Variants in ARHGAP10 observed in about 807,000 individuals in gnomAD.
ARHGAP10 encodes the protein Rho GTPase activating protein 10.
A neutral mutation model predicts 108.6 loss-of-function variants in ARHGAP10; 87 were observed. That is an observed-to-expected ratio of 0.80 (90% CI 0.67 to 0.96). The LOEUF (loss-of-function observed/expected upper bound fraction) is 0.96. ARHGAP10 is among the 40% of genes least tolerant of loss of function. The pLI is 0.00. For missense variants in ARHGAP10, 939 were observed against 954.5 expected (o/e 0.98, Z 0.21); for synonymous variants, 347 against 341.1 (o/e 1.02, Z -0.19).
At chr4:147,771,217 G>A (rs1005289949) in intron 1 of ARHGAP10, among the ~76,000 whole-genome samples, 20 of 152,148 alleles carry the variant, frequency 1.3e-4, no homozygotes, top group African/African-American at 4.3e-4. Flanking sequence ...TCTGAATACA[G>A]TCACATTCTG....
At chr4:148,050,715 G>C (rs1729100901) in intron 20 of ARHGAP10, among the ~76,000 whole-genome samples, 1 of 152,058 alleles carries the variant, frequency 6.6e-6, no homozygotes, top group Non-Finnish European at 1.5e-5. Flanking sequence ...TCTTCCTCTA[G>C]GAATTCCACA....
At chr4:148,039,046 C>T (rs1371664454) in intron 19 of ARHGAP10, among the ~76,000 whole-genome samples, 2 of 152,154 alleles carry the variant, frequency 1.3e-5, no homozygotes, top group African/African-American at 4.8e-5. Flanking sequence ...CTGATCTACC[C>T]ACCCCCACCA....
rs757141542 is a variant in ARHGAP10, at chr4:147,732,296, G to A, written c.-6G>A. 6.2e-7 allele frequency: 1 copy of A among 1,605,648 alleles called. No homozygotes were observed. Among genetic ancestry groups the A allele is most frequent in the East Asian group, 2.3e-5 (1 of 44,170 alleles). On this transcript the variant is annotated 5_prime_UTR_variant, in exon 1 of 23. Transcript: ENST00000336498. ...CCGTGCGCACCGCGCAGCGACCGCT[G>A]CCGTCATGGGGCTGCAGCCCCTGGA...
At chr4:148,066,625 T>G in intron 22 of ARHGAP10, among the ~76,000 whole-genome samples, 1 of 152,164 alleles carries the variant, frequency 6.6e-6, no homozygotes, top group Admixed American at 6.5e-5. Context: ...AGTGTCTCCG[T>G]GTGTTTTGGA....
intron 4 of ARHGAP10, among the ~76,000 whole-genome samples, chr4:147,851,978 G>A (rs910845181): frequency 3.9e-5 from 6 of 152,152 alleles, no homozygotes; most frequent in African/African-American, 1.4e-4. Flanking sequence ...AGGCCTCTAA[G>A]TCTCAGTTTC....
chr4:147,804,036 A>T (rs1731683875), intron 1 of ARHGAP10, among the ~76,000 whole-genome samples: 1 of 145,648 alleles, frequency 6.9e-6, no homozygotes, highest in Non-Finnish European at 1.5e-5. Context: ...GTACATGTGC[A>T]GGTTTGTTAT....
intron 1 of ARHGAP10, among the ~76,000 whole-genome samples, chr4:147,765,923 C>T (rs566538630): frequency 6.6e-6 from 1 of 152,254 alleles, no homozygotes. Context: ...CCTCCATATC[C>T]TCGGGGGATT....
chr4:147,953,497 A>G (rs1052274838), intron 15 of ARHGAP10, among the ~76,000 whole-genome samples: 1 of 152,022 alleles, frequency 6.6e-6, no homozygotes, highest in Non-Finnish European at 1.5e-5. Flanking sequence ...GTGTCTTTTC[A>G]GACATTTGTC....
intron 1 of ARHGAP10, among the ~76,000 whole-genome samples, chr4:147,769,459 A>G (rs80049072): frequency 0.015 from 2,225 of 152,308 alleles, 59 homozygotes; most frequent in African/African-American, 0.049. Context: ...AAAATTGTGC[A>G]TCAAGGATTT....
At chr4:148,068,606 T>C (rs1256142316) in intron 22 of ARHGAP10, among the ~76,000 whole-genome samples, 3 of 152,212 alleles carry the variant, frequency 2.0e-5, no homozygotes, top group South Asian at 2.1e-4. Context: ...ATTAGGGATA[T>C]GTGCTTGTGT....
At chr4:147,993,772 T>C (rs1740367723) in intron 18 of ARHGAP10, among the ~76,000 whole-genome samples, 2 of 152,230 alleles carry the variant, frequency 1.3e-5, no homozygotes, top group Middle Eastern at 3.2e-3. Context: ...TTCACAGTAG[T>C]AGGCCTGCAG....
Position 147,875,202 on chromosome 4 carries a change from T to TAA in ARHGAP10, c.832+52_832+53insAA, listed in dbSNP as rs1353605570. ...GTGGCTGCTTAAAAATGCAAATTAT[T>TAA]GAAAACTCTGCTATTCTTGCCATTA... On this transcript the variant is annotated intron_variant, in intron 8 of 22. Coordinates refer to ENST00000336498, the MANE Select transcript of ARHGAP10 (RefSeq NM_024605.4). 17 of 1,495,468 alleles carry TAA rather than the reference T, an allele frequency of 1.1e-5. No homozygotes were observed. The South Asian group carries it at 2.4e-4, about 21-fold the overall frequency. The allele number at this position is 1,495,468 out of a possible 1,614,324, so 92.6% of individuals were successfully genotyped here.
chr4:147,802,848 C>T (rs576201550), intron 1 of ARHGAP10, among the ~76,000 whole-genome samples: 11 of 152,272 alleles, frequency 7.2e-5, no homozygotes, highest in East Asian at 5.8e-4. Context: ...TCTGTTTTGC[C>T]GGTATCCCTT....
At chr4:147,828,770 A>G (rs1197780190) in intron 3 of ARHGAP10, among the ~76,000 whole-genome samples, 2 of 152,198 alleles carry the variant, frequency 1.3e-5, no homozygotes, top group Non-Finnish European at 2.9e-5. Context: ...TGTTGGAGAG[A>G]GAAGTAGAGC....
At chr4:147,777,516 G>A (rs1452318381) in intron 1 of ARHGAP10, among the ~76,000 whole-genome samples, 1 of 151,968 alleles carries the variant, frequency 6.6e-6, no homozygotes, top group Non-Finnish European at 1.5e-5. Context: ...CTGCCTCCCA[G>A]AGTGCTGGGA....
chr4:148,056,829 A>G (rs911618585), intron 20 of ARHGAP10, among the ~76,000 whole-genome samples: 3 of 152,330 alleles, frequency 2.0e-5, no homozygotes, highest in African/African-American at 7.2e-5. Context: ...GGTAAATTAA[A>G]TGGTTAGTGA....
chr4:147,857,734 A>AG (rs2126833366), intron 5 of ARHGAP10, 80 bp downstream of exon 5: 2 of 1,194,316 alleles, frequency 1.7e-6, no homozygotes, highest in East Asian at 6.5e-5. Flanking sequence ...TTTAATTTGG[A>AG]TAACTTTTCA....
intron 10 of ARHGAP10, among the ~76,000 whole-genome samples, chr4:147,886,621 T>G (rs1164329147): frequency 2.0e-5 from 3 of 152,238 alleles, no homozygotes; most frequent in African/African-American, 7.2e-5. Context: ...TTTTGCTTGT[T>G]TGCACAATCC....
chr4:148,040,247 C>T (rs891985060), intron 19 of ARHGAP10, among the ~76,000 whole-genome samples: 3 of 152,214 alleles, frequency 2.0e-5, no homozygotes, highest in African/African-American at 7.2e-5. Context: ...GGGCTTCTCC[C>T]AGTCCCTATT....
Sources: allele counts gnomAD v4.1 joint callset (sites outside exome capture counted in the v4.1 genomes callset), GRCh38; gene constraint gnomAD v4.1.1; transcripts MANE v1.5; gene names NCBI Gene and HGNC (gene_info 2026-07-23, HGNC 2026-07-21).